KALRN: variants seen among roughly 807,000 people sequenced by gnomAD.
KALRN encodes kalirin RhoGEF kinase.
A neutral mutation model predicts 353.7 loss-of-function variants in KALRN; 70 were observed. The ratio of observed to expected loss-of-function variants is 0.20; its 90% CI spans 0.16 to 0.24. The LOEUF (loss-of-function observed/expected upper bound fraction) is 0.24. Ranked by LOEUF, KALRN falls within the 10% of genes least tolerant of loss-of-function variation. The probability of loss-of-function intolerance (pLI) is 1.00; values close to 1 mark genes in which losing one functional copy is unlikely to be tolerated. For synonymous variants in KALRN, 1,391 were observed against 1,434.8 expected (o/e 0.97, Z 0.69); for missense variants, 2,791 against 3,756.7 (o/e 0.74, Z 6.72).
chr3:124,368,634 G>GAC (rs2085356391), intron 10 of KALRN, among the ~76,000 whole-genome samples: 1 of 148,404 alleles, frequency 6.7e-6, no homozygotes, highest in Admixed American at 6.7e-5. Context: ...GCCAGGCAGA[G>GAC]ACACTCCTCA....
chr3:124,574,335 C>T (rs1328415806), intron 34 of KALRN, among the ~76,000 whole-genome samples: 1 of 152,212 alleles, frequency 6.6e-6, no homozygotes, highest in Non-Finnish European at 1.5e-5. Context: ...CTGCAGAGAT[C>T]CTGCATTTTT....
At position 124,337,303 on chromosome 3, in the gene KALRN, A is replaced by G. The variant is rs188791027; in HGVS notation, c.1647+2808A>G. On this transcript the variant is annotated intron_variant, in intron 9 of 59. Transcript: ENST00000682506. Reference sequence around the variant, plus strand: ...GATATTGGCTGTGGGTTTGTCATAAATAGCTTTTATTATTTTGAGATACCT... The same window carrying G: ...GATATTGGCTGTGGGTTTGTCATAAGTAGCTTTTATTATTTTGAGATACCT... Among the ~76,000 whole-genome samples, 329 of 151,196 alleles carry G rather than the reference A, an allele frequency of 2.2e-3. 2 individuals carry two copies. The highest frequency in any genetic ancestry group is 3.9e-3 in the Non-Finnish European group (265 of 67,920).
chr3:124,477,484 C>A, intron 27 of KALRN, 150 bp downstream of exon 27: 1 of 632,782 alleles, frequency 1.6e-6, no homozygotes. Context: ...AAAGCAAAAA[C>A]AGTATATGTC....
At chr3:124,700,404 C>T (rs1417625155) in intron 56 of KALRN, among the ~76,000 whole-genome samples, 2 of 152,174 alleles carry the variant, frequency 1.3e-5, no homozygotes, top group Non-Finnish European at 2.9e-5. Context: ...GAGGGACTCA[C>T]CCACTTCAAA....
At chr3:124,574,518 A>G (rs199933246) in intron 34 of KALRN, among the ~76,000 whole-genome samples, 4 of 19,276 alleles carry the variant, frequency 2.1e-4, no homozygotes, top group South Asian at 1.7e-3. Flanking sequence ...TTTGGAGCCA[A>G]TGAACCAGCT....
intron 1 of KALRN, among the ~76,000 whole-genome samples, chr3:124,053,293 G>A (rs189669208): frequency 6.6e-6 from 1 of 152,162 alleles, no homozygotes; most frequent in African/African-American, 2.4e-5. Context: ...GGGATAATAT[G>A]GCATTGGAAG....
At chr3:124,110,732 G>A (rs2062882483) in intron 1 of KALRN, among the ~76,000 whole-genome samples, 1 of 152,128 alleles carries the variant, frequency 6.6e-6, no homozygotes, top group South Asian at 2.1e-4. Context: ...TTCGACCTAG[G>A]TTGCAGTCAA....
intron 1 of KALRN, among the ~76,000 whole-genome samples, chr3:124,149,179 AG>A: frequency 6.6e-6 from 1 of 152,340 alleles, no homozygotes; most frequent in African/African-American, 2.4e-5. Flanking sequence ...ATGCAACCCT[AG>A]CAGAATCCAA....
At position 124,214,812 on chromosome 3, in the gene KALRN, A is replaced by C. The variant is rs560848113; in HGVS notation, c.74-13178A>C. ...CTCTCTAGCTTTTGTTTCTCTGTGA[A>C]CTCCCCCTACTTACTACAGCCTGAC... is the stretch of plus-strand genomic sequence containing the variant. On this transcript the variant is annotated intron_variant, in intron 1 of 59. Coordinates refer to ENST00000682506, the MANE Select transcript of KALRN (RefSeq NM_001388419.1). 5.3e-5 allele frequency among the ~76,000 whole-genome samples: 8 copies of C among 151,884 alleles called. No individual in the cohort carries two copies. The East Asian group carries it at 1.4e-3, about 26-fold the overall frequency.
In KALRN at chr3:124,633,863, T is replaced by A. The variant is rs774824802; in HGVS notation, c.5478T>A (p.Gly1826=). The A allele has an allele frequency of 6.2e-7, 1 of 1,613,790 alleles. No individual in the cohort carries two copies. Among genetic ancestry groups the A allele is most frequent in the South Asian group, 1.1e-5 (1 of 91,004 alleles). The change falls in exon 36 of 60, where the codon GGT becomes GGA. Residue 1826 remains glycine (G), a synonymous_variant. Coordinates refer to ENST00000682506, the MANE Select transcript of KALRN (RefSeq NM_001388419.1). ...TTTTGTTCTAGAAGAGCAAGAAAGG[T>A]TGGGGTGAAGATGAGCCGGATGAAG... ...QGDSADESKK[G]WGEDEPDEES...
At chr3:124,195,388 A>G (rs2075328718) in intron 1 of KALRN, among the ~76,000 whole-genome samples, 1 of 152,150 alleles carries the variant, frequency 6.6e-6, no homozygotes, top group Non-Finnish European at 1.5e-5. Context: ...GAGCATGTAC[A>G]AGTACTTTGT....
intron 1 of KALRN, among the ~76,000 whole-genome samples, chr3:124,172,311 C>G (rs2071960998): frequency 6.6e-6 from 1 of 152,152 alleles, no homozygotes; most frequent in Non-Finnish European, 1.5e-5. Context: ...CTGTCTTACT[C>G]TGTCATGATT....
intron 57 of KALRN, among the ~76,000 whole-genome samples, chr3:124,708,920 A>G (rs907822277): frequency 2.6e-5 from 4 of 152,196 alleles, no homozygotes; most frequent in East Asian, 3.8e-4. Context: ...AGTGACTCGA[A>G]TGACAGCAGA....
intron 1 of KALRN, among the ~76,000 whole-genome samples, chr3:124,188,051 C>A (rs182332906): frequency 1.3e-5 from 2 of 152,178 alleles, no homozygotes; most frequent in Non-Finnish European, 2.9e-5. Context: ...AAAAAACCCA[C>A]GTGTGGGCCC....
At position 124,656,565 on chromosome 3, in the gene KALRN, C is replaced by A. The variant is rs188495198; in HGVS notation, c.5863-883C>A. On this transcript the variant is annotated intron_variant, in intron 39 of 59. Transcript: ENST00000682506. ...GGCGGAGCTTGCAGTGAGCTGAGATCGCGCCACCGCACTCCAGCCTGGGCG... is the reference window on the plus strand; with the variant it reads ...GGCGGAGCTTGCAGTGAGCTGAGATAGCGCCACCGCACTCCAGCCTGGGCG... Among the ~76,000 whole-genome samples the A allele has an allele frequency of 2.5e-3, 385 of 152,112 alleles. 2 individuals carry two copies. Among genetic ancestry groups the A allele is most frequent in the African/African-American group, 9.0e-3 (373 of 41,478 alleles).
At position 124,603,215 on chromosome 3, in the gene KALRN, CTG is replaced by C. The variant is rs550168634; in HGVS notation, c.5183-29202_5183-29201del. ...TTTGTCTACCTTTGCCAGCATCTGA[CTG>C]TGATTATCTTTAACCACAGTCACAC... On this transcript the variant is annotated intron_variant, in intron 34 of 59. Transcript: ENST00000682506. Among the ~76,000 whole-genome samples the C allele has an allele frequency of 1.6e-4, 24 of 152,328 alleles. No homozygotes were observed. In the East Asian group the frequency reaches 3.9e-3, roughly 24 times the overall value.
Position 124,365,693 on chromosome 3 carries a change from C to A in KALRN, c.1770+18428C>A, listed in dbSNP as rs550055294. On this transcript the variant is annotated intron_variant, in intron 10 of 59. Coordinates refer to ENST00000682506, the MANE Select transcript of KALRN (RefSeq NM_001388419.1). ...GTGTTGCTAATTCTCATTTAAAAGG[C>A]CTAAGCATTTAAATCTATATTAGCT... Among the ~76,000 whole-genome samples, 8 of 152,320 alleles carry A rather than the reference C, an allele frequency of 5.3e-5. No individual in the cohort carries two copies. The East Asian group carries it at 1.5e-3, about 29-fold the overall frequency.
At chr3:124,589,174 G>C (rs1248556169) in intron 34 of KALRN, among the ~76,000 whole-genome samples, 1 of 152,204 alleles carries the variant, frequency 6.6e-6, no homozygotes. Context: ...CTTATGACTT[G>C]ACGTAAATAT....
At chr3:124,080,130 G>A (rs535619181) in intron 1 of KALRN, 7 of 468,656 alleles carry the variant, frequency 1.5e-5, no homozygotes, top group South Asian at 6.2e-5. Flanking sequence ...GTCTGAACAC[G>A]AAACTTCTAA....
Sources: allele counts gnomAD v4.1 joint callset (sites outside exome capture counted in the v4.1 genomes callset), GRCh38; gene constraint gnomAD v4.1.1; transcripts MANE v1.5; gene names NCBI Gene and HGNC (gene_info 2026-07-23, HGNC 2026-07-21).